KCNB2: variants seen among roughly 807,000 people sequenced by gnomAD.
KCNB2 encodes delayed rectifier potassium channel protein.
A neutral mutation model predicts 61.5 loss-of-function variants in KCNB2; 15 were observed. That is an observed-to-expected ratio of 0.24 (90% confidence interval 0.16 to 0.38). KCNB2 has a LOEUF of 0.38. KCNB2 is among the 10% of genes least tolerant of loss of function. KCNB2 has a pLI of 1.00. For missense variants in KCNB2, 828 were observed against 1,125.2 expected (o/e 0.74, Z 3.78); for synonymous variants, 457 against 446.0 (o/e 1.02, Z -0.31).
At chr8:72,924,061 A>G (rs548041877) in intron 2 of KCNB2, among the ~76,000 whole-genome samples, 1 of 152,304 alleles carries the variant, frequency 6.6e-6, no homozygotes, top group Admixed American at 6.5e-5. Context: ...GTAATACAGA[A>G]CCAGGATGAG....
intron 2 of KCNB2, among the ~76,000 whole-genome samples, chr8:72,775,382 C>A (rs1349399787): frequency 6.6e-6 from 1 of 152,154 alleles, no homozygotes; most frequent in Non-Finnish European, 1.5e-5. Context: ...TGGACCCAGG[C>A]TGCCAATTTT....
At chr8:72,835,952 T>C (rs967905442) in intron 2 of KCNB2, among the ~76,000 whole-genome samples, 4 of 152,182 alleles carry the variant, frequency 2.6e-5, no homozygotes, top group Non-Finnish European at 5.9e-5. Context: ...CTCACTGCCT[T>C]TTTCCTTGTC....
At chr8:72,586,833 A>T (rs1041826340) in intron 2 of KCNB2, among the ~76,000 whole-genome samples, 5 of 152,210 alleles carry the variant, frequency 3.3e-5, no homozygotes, top group Admixed American at 1.3e-4. Flanking sequence ...CACATTTTTT[A>T]AAAGCTGCCT....
At chr8:72,706,600 A>C (rs2128991511) in intron 2 of KCNB2, among the ~76,000 whole-genome samples, 1 of 152,272 alleles carries the variant, frequency 6.6e-6, no homozygotes, top group East Asian at 1.9e-4. Flanking sequence ...CCATTTCTGG[A>C]GTCTTATTGT....
At chr8:72,772,709 C>T (rs1189340607) in intron 2 of KCNB2, among the ~76,000 whole-genome samples, 1 of 152,130 alleles carries the variant, frequency 6.6e-6, no homozygotes, top group Admixed American at 6.5e-5. Context: ...TTCCCTGAAA[C>T]AGTTATATAC....
intron 1 of KCNB2, among the ~76,000 whole-genome samples, chr8:72,538,310 C>T (rs1008174287): frequency 1.3e-5 from 2 of 151,944 alleles, no homozygotes; most frequent in East Asian, 1.9e-4. Flanking sequence ...GCGCGGTCTC[C>T]GTTCTGTAGC....
At chr8:72,747,345 G>A (rs1043551248) in intron 2 of KCNB2, among the ~76,000 whole-genome samples, 16 of 152,190 alleles carry the variant, frequency 1.1e-4, no homozygotes, top group African/African-American at 3.6e-4. Flanking sequence ...CAGATGGACA[G>A]TGAGTGGCCC....
At position 72,725,591 on chromosome 8, in the gene KCNB2, G is replaced by GTATATATATATA. The variant is rs60157669; in HGVS notation, c.579+157298_579+157309dup. Among the ~76,000 whole-genome samples the GTATATATATATA allele has an allele frequency of 2.1e-4, 11 of 51,940 alleles. No individual in the cohort carries two copies. In the South Asian group the frequency reaches 2.6e-3, roughly 12 times the overall value. 34.1% of individuals were successfully genotyped at this position (51,940 alleles called of 152,430 possible). On this transcript the variant is annotated intron_variant, in intron 2 of 2. Transcript: ENST00000523207. ...TATATATATGTATATATATATGTAT[G>GTATATATATATA]TATATATATATATATATATATATAT...
At chr8:72,753,556 A>G (rs1389927950) in intron 2 of KCNB2, among the ~76,000 whole-genome samples, 1 of 152,172 alleles carries the variant, frequency 6.6e-6, no homozygotes, top group African/African-American at 2.4e-5. Context: ...GATGTAACCA[A>G]TTGAGTAGCT....
chr8:72,739,259 C>A (rs1028400217), intron 2 of KCNB2, among the ~76,000 whole-genome samples: 3 of 151,672 alleles, frequency 2.0e-5, no homozygotes, highest in African/African-American at 4.9e-5. Context: ...AACTGGAATT[C>A]ATTTAATAAA....
intron 2 of KCNB2, among the ~76,000 whole-genome samples, chr8:72,659,438 A>G: frequency 6.6e-6 from 1 of 152,224 alleles, no homozygotes; most frequent in East Asian, 1.9e-4. Flanking sequence ...AAATGACAAC[A>G]AAGAATTTAG....
At chr8:72,810,078 G>A (rs1185078492) in intron 2 of KCNB2, among the ~76,000 whole-genome samples, 5 of 152,156 alleles carry the variant, frequency 3.3e-5, no homozygotes, top group East Asian at 1.9e-4. Context: ...TAGAATGTAG[G>A]TGGGTGTGGT....
chr8:72,571,967 T>G (rs1233445582), intron 2 of KCNB2, among the ~76,000 whole-genome samples: 1 of 152,254 alleles, frequency 6.6e-6, no homozygotes. Context: ...GCTAGTTCCC[T>G]GTAAATATTG....
chr8:72,611,782 G>A (rs1585783830), intron 2 of KCNB2, among the ~76,000 whole-genome samples: 1 of 152,078 alleles, frequency 6.6e-6, no homozygotes, highest in East Asian at 1.9e-4. Flanking sequence ...TCAGGCATTG[G>A]CTCACTCCAG....
Position 72,716,151 on chromosome 8 carries a change from G to A in KCNB2, c.579+147838G>A, listed in dbSNP as rs187674767. Among the ~76,000 whole-genome samples the A allele has an allele frequency of 5.1e-3, 782 of 152,226 alleles. 9 individuals are homozygous for A. The highest frequency in any genetic ancestry group is 0.037 in the Middle Eastern group (11 of 294). Reference sequence around the variant, plus strand: ...TCTGAATAGACCAATAACAGGCTCTGAAATTGAGGCAATAATTAATAGCTT... The same window carrying A: ...TCTGAATAGACCAATAACAGGCTCTAAAATTGAGGCAATAATTAATAGCTT... On this transcript the variant is annotated intron_variant, in intron 2 of 2. Coordinates refer to ENST00000523207, the MANE Select transcript of KCNB2 (RefSeq NM_004770.3).
intron 2 of KCNB2, among the ~76,000 whole-genome samples, chr8:72,637,694 C>T (rs1303095906): frequency 6.6e-6 from 1 of 152,142 alleles, no homozygotes; most frequent in Non-Finnish European, 1.5e-5. Flanking sequence ...TCTCTCATAT[C>T]CCTTCCATGC....
At chr8:72,889,766 T>TTA (rs202059369) in intron 2 of KCNB2, among the ~76,000 whole-genome samples, 2,702 of 151,340 alleles carry the variant, frequency 0.018, 66 homozygotes, top group African/African-American at 0.056. Context: ...CAAACTCCAT[T>TTA]TATATATATA....
intron 2 of KCNB2, among the ~76,000 whole-genome samples, chr8:72,648,005 T>A (rs1339326219): frequency 6.6e-6 from 1 of 152,044 alleles, no homozygotes; most frequent in Non-Finnish European, 1.5e-5. Flanking sequence ...GGGCCAATGG[T>A]CAGGTGTAGG....
At chr8:72,920,723 T>C (rs1201667707) in intron 2 of KCNB2, among the ~76,000 whole-genome samples, 1 of 151,884 alleles carries the variant, frequency 6.6e-6, no homozygotes, top group East Asian at 1.9e-4. Context: ...CATTTTCTTA[T>C]GATGAAGATT....
Sources: gnomAD v4.1 joint callset for allele counts (sites outside exome capture counted in the v4.1 genomes callset) on GRCh38, gnomAD v4.1.1 for gene constraint, MANE v1.5 for transcripts, NCBI Gene and HGNC (gene_info 2026-07-23, HGNC 2026-07-21) for gene names.